EDAR: variants seen among roughly 807,000 people sequenced by gnomAD.
EDAR encodes tumor necrosis factor receptor superfamily member EDAR.
In EDAR, 38 loss-of-function variants were observed where a neutral mutation model predicts 51.3. The observed-to-expected ratio is 0.74, with a 90% CI of 0.57 to 0.97. EDAR has a LOEUF of 0.97. Ranked by LOEUF, EDAR falls within the 50% of genes least tolerant of loss-of-function variation. The probability of loss-of-function intolerance (pLI) is 0.00; values close to 1 mark genes in which losing one functional copy is unlikely to be tolerated. For synonymous variants in EDAR, 227 were observed against 242.1 expected, an observed-to-expected ratio of 0.94 and a Z score of 0.58; for missense variants, 528 against 595.0, an observed-to-expected ratio of 0.89 and a Z score of 1.17.
chr2:108,924,606 G>A (rs1371897779), intron 4 of EDAR, among the ~76,000 whole-genome samples: 1 of 152,202 alleles, frequency 6.6e-6, no homozygotes, highest in African/African-American at 2.4e-5. Flanking sequence ...CTAAGCAGCA[G>A]CCTGGCACGG....
In EDAR at chr2:108,930,256, G is replaced by A. The variant is rs1433241115; in HGVS notation, c.52-14C>T. ...CATCAGAGACACCTGCCAACAAAGG[G>A]GGGTGTTGTGGCCTCCGTACCTCCT... On this transcript the variant is annotated splice_polypyrimidine_tract_variant and intron_variant, in intron 2 of 11. Transcript: ENST00000258443. The A allele has an allele frequency of 6.2e-7, 1 of 1,614,054 alleles. No homozygotes were observed. The highest frequency in any genetic ancestry group is 1.3e-5 in the African/African-American group (1 of 75,038).
At chr2:108,960,505 A>G (rs1392765837) in intron 1 of EDAR, among the ~76,000 whole-genome samples, 1 of 152,202 alleles carries the variant, frequency 6.6e-6, no homozygotes. Flanking sequence ...ATGAGGAGCC[A>G]GGGCAGGGTG....
chr2:108,916,020 G>A (rs1242071684), intron 5 of EDAR, among the ~76,000 whole-genome samples: 1 of 152,204 alleles, frequency 6.6e-6, no homozygotes, highest in Non-Finnish European at 1.5e-5. Flanking sequence ...CCTTACTGAA[G>A]TTGCTCTGGA....
At chr2:108,962,536 G>A (rs1402642931) in intron 1 of EDAR, among the ~76,000 whole-genome samples, 4 of 151,844 alleles carry the variant, frequency 2.6e-5, no homozygotes, top group East Asian at 1.9e-4. Flanking sequence ...TTAGCCGGGC[G>A]TGGTGGCGGG....
At chr2:108,902,704 G>A (rs1251486887) in intron 11 of EDAR, among the ~76,000 whole-genome samples, 2 of 152,116 alleles carry the variant, frequency 1.3e-5, no homozygotes, top group Non-Finnish European at 2.9e-5. Context: ...GCTTATTCCA[G>A]GGAGGCAAGG....
Position 108,894,510 on chromosome 2 carries a change from G to GTT in EDAR, c.*2395_*2396dup, listed in dbSNP as rs1200001263. The GTT allele has an allele frequency of 1.3e-5, 2 of 151,984 alleles. No homozygotes were observed. The highest frequency in any genetic ancestry group is 4.9e-5 in the African/African-American group (2 of 41,092). The allele number at this position is 151,984 out of a possible 1,614,324, so 9.4% of individuals were successfully genotyped here. A position where few individuals can be genotyped will look rare whatever the true frequency, so the allele number is the denominator to read the frequency against. On this transcript the variant is annotated 3_prime_UTR_variant, in exon 12 of 12. Transcript: ENST00000258443. ...TTATTGAGATTATAAAATATAATAA[G>GTT]TTATATATATACAGAATTAGACAAA...
intron 1 of EDAR, among the ~76,000 whole-genome samples, chr2:108,979,498 C>T (rs1432156882): frequency 4.0e-5 from 6 of 150,860 alleles, no homozygotes; most frequent in African/African-American, 1.5e-4. Context: ...CACACACACA[C>T]ACGCATGGCA....
At chr2:108,928,495 C>T (rs1323975798) in intron 4 of EDAR, among the ~76,000 whole-genome samples, 9 of 152,204 alleles carry the variant, frequency 5.9e-5, no homozygotes, top group Admixed American at 5.2e-4. Context: ...CATCACCTCT[C>T]CCACCTGTAC....
intron 11 of EDAR, among the ~76,000 whole-genome samples, chr2:108,903,644 G>A (rs1696745785): frequency 6.6e-6 from 1 of 152,114 alleles, no homozygotes; most frequent in Non-Finnish European, 1.5e-5. Context: ...GCAATTCAAT[G>A]GAGGAAAGAT....
At chr2:108,975,444 CAT>C (rs963165136) in intron 1 of EDAR, among the ~76,000 whole-genome samples, 5 of 152,176 alleles carry the variant, frequency 3.3e-5, no homozygotes, top group Non-Finnish European at 7.3e-5. Flanking sequence ...AGCGCCAGCA[CAT>C]GAGAGCAAGA....
intron 1 of EDAR, among the ~76,000 whole-genome samples, chr2:108,949,686 C>T (rs1697786699): frequency 6.6e-6 from 1 of 152,150 alleles, no homozygotes. Context: ...AACTAATCAT[C>T]CAACCAGAGA....
At chr2:108,988,219 C>T (rs1477302543) in intron 1 of EDAR, among the ~76,000 whole-genome samples, 3 of 152,224 alleles carry the variant, frequency 2.0e-5, no homozygotes, top group Non-Finnish European at 2.9e-5. Flanking sequence ...GTGGGAACCT[C>T]GCCTGCTGAC....
intron 4 of EDAR, among the ~76,000 whole-genome samples, chr2:108,927,324 G>T (rs1273219521): frequency 6.6e-6 from 1 of 152,212 alleles, no homozygotes; most frequent in East Asian, 1.9e-4. Context: ...TCCAGCACTG[G>T]AAAGAATGTT....
chr2:108,913,009 C>T (rs1225392748), intron 5 of EDAR, among the ~76,000 whole-genome samples: 2 of 148,914 alleles, frequency 1.3e-5, no homozygotes, highest in African/African-American at 5.0e-5. Context: ...AGTGCAGTGG[C>T]GTGATCTCGG....
At chr2:108,912,591 C>T in intron 6 of EDAR, 87 bp downstream of exon 6, 2 of 1,269,524 alleles carry the variant, frequency 1.6e-6, no homozygotes, top group Non-Finnish European at 2.2e-6. Context: ...CCATAATCAT[C>T]ACTCATGATC....
chr2:108,953,938 G>A (rs2104377943), intron 1 of EDAR, among the ~76,000 whole-genome samples: 1 of 152,300 alleles, frequency 6.6e-6, no homozygotes, highest in African/African-American at 2.4e-5. Context: ...CATATTATAA[G>A]TGAGACACTA....
intron 9 of EDAR, among the ~76,000 whole-genome samples, chr2:108,908,822 AG>A (rs1436649590): frequency 1.8e-4 from 27 of 152,200 alleles, no homozygotes; most frequent in Admixed American, 2.6e-4. Context: ...GTTAGTAACT[AG>A]GTTACAGCAG....
At position 108,930,201 on chromosome 2, in the gene EDAR, G is replaced by C; in HGVS notation, c.93C>G (p.Cys31Trp). Residue 31 changes from cysteine (C) to tryptophan (W), a missense_variant, in exon 3 of 12, where the codon TGC (cysteine) becomes TGG (tryptophan). Transcript: ENST00000258443. ...TCTGGTTGTAGTACTCGTTCTCACCGCAGTTTGAGTATTCCGCTCGGGCTG... is the reference window on the plus strand; with the variant it reads ...TCTGGTTGTAGTACTCGTTCTCACCCCAGTTTGAGTATTCCGCTCGGGCTG... ...MCSARAEYSN[C>W]GENEYYNQTT... 6.2e-7 allele frequency: 1 copy of C among 1,614,102 alleles called. No homozygotes were observed. Among genetic ancestry groups the C allele is most frequent in the Non-Finnish European group, 8.5e-7 (1 of 1,180,028 alleles).
chr2:108,962,872 A>G (rs1472915689), intron 1 of EDAR, among the ~76,000 whole-genome samples: 1 of 152,116 alleles, frequency 6.6e-6, no homozygotes, highest in Non-Finnish European at 1.5e-5. Context: ...TCACTCTTCA[A>G]TGGTTTTGTC....
Sources: gnomAD v4.1 joint callset for allele counts (sites outside exome capture counted in the v4.1 genomes callset) on GRCh38, gnomAD v4.1.1 for gene constraint, MANE v1.5 for transcripts, NCBI Gene and HGNC (gene_info 2026-07-23, HGNC 2026-07-21) for gene names.